MTG1: variants seen among roughly 807,000 people sequenced by gnomAD.
MTG1 encodes the protein mitochondrial ribosome-associated GTPase 1.
In MTG1, 30 loss-of-function variants were observed where a neutral mutation model predicts 39.5. The ratio of observed to expected loss-of-function variants is 0.76; its 90% CI spans 0.57 to 1.03. The LOEUF (loss-of-function observed/expected upper bound fraction) is 1.03. Ranked by LOEUF, MTG1 falls within the 50% of genes least tolerant of loss-of-function variation. The pLI, the probability that MTG1 is intolerant of heterozygous loss-of-function variation, is 0.00. For missense variants in MTG1, 513 were observed against 447.4 expected (o/e 1.15, Z -1.32); for synonymous variants, 217 against 179.0 (o/e 1.21, Z -1.69).
chr10:133,402,584 C>A lies in MTG1; in HGVS notation c.671-108C>A. On this transcript the variant is annotated intron_variant, in intron 8 of 10. Coordinates refer to ENST00000317502, the MANE Select transcript of MTG1 (RefSeq NM_138384.4). The surrounding 1 kb of genome is among the most constrained non-coding windows in gnomAD (Gnocchi z 4.7). ...TGTCTTTGTCAGTGGCTGGCCTCTTCCTCACGGCACGGTGTCTTTGGGCTA... is the reference window on the plus strand; with the variant it reads ...TGTCTTTGTCAGTGGCTGGCCTCTTACTCACGGCACGGTGTCTTTGGGCTA... 9.6e-7 allele frequency: 1 copy of A among 1,037,134 alleles called. No homozygotes were observed. The highest frequency in any genetic ancestry group is 1.4e-6 in the Non-Finnish European group (1 of 703,554). The allele number at this position is 1,037,134 out of a possible 1,614,324, so 64.2% of individuals were successfully genotyped here.
At chr10:133,419,952 T>C in intron 10 of MTG1, 74 bp from the exon 11 acceptor site, 3 of 1,504,260 alleles carry the variant, frequency 2.0e-6, no homozygotes, top group Non-Finnish European at 2.7e-6. Flanking sequence ...TTAGGGCTGG[T>C]CCCTCAGGTG....
rs747179497 is a variant in MTG1 at position 133,395,757 on chromosome 10, A to G, written c.157A>G (p.Ile53Val). 5.0e-6 allele frequency: 8 copies of G among 1,614,152 alleles called. No individual in the cohort carries two copies. In the Admixed American group the frequency reaches 1.3e-4, roughly 27 times the overall value. Residue 53 changes from isoleucine (I) to valine (V), a missense_variant, in exon 2 of 11, where the codon ATC becomes GTC. Transcript: ENST00000317502. ...QSSLKLVDCI[I>V]EVHDARIPLS... ...CAGCCTGAAGCTGGTGGACTGTATCATCGAGGTCCACGATGCCCGGATATC... is the reference window on the plus strand; with the variant it reads ...CAGCCTGAAGCTGGTGGACTGTATCGTCGAGGTCCACGATGCCCGGATATC...
intron 1 of MTG1, 132 bp downstream of exon 1, chr10:133,394,464 C>T (rs1388720546): frequency 3.0e-6 from 4 of 1,326,626 alleles, no homozygotes; most frequent in Non-Finnish European, 3.9e-6. Context: ...TCCCTTGTCT[C>T]CCCTCCTTCC....
chr10:133,419,431 G>A lies in MTG1; in HGVS notation c.753-49G>A, dbSNP rs1025374605. 20 of 1,505,886 alleles carry A rather than the reference G, an allele frequency of 1.3e-5. No individual in the cohort carries two copies. In the African/African-American group the frequency reaches 1.4e-4, roughly 10 times the overall value. The allele number at this position is 1,505,886 out of a possible 1,614,324, so 93.3% of individuals were successfully genotyped here. A position where few individuals can be genotyped will look rare whatever the true frequency, so the allele number is the denominator to read the frequency against. ...GGAAGGGCCCGGCCTGGCTGGCCGC[G>A]CGGTGTCAGTGCTGGGCCCCCTGGT... On this transcript the variant is annotated intron_variant, in intron 9 of 10. Coordinates refer to ENST00000317502, the MANE Select transcript of MTG1 (RefSeq NM_138384.4).
chr10:133,398,941 C>G (rs1849827822), intron 4 of MTG1, among the ~76,000 whole-genome samples: 1 of 152,176 alleles, frequency 6.6e-6, no homozygotes, highest in Admixed American at 6.5e-5. Context: ...GACAGAACTC[C>G]AGTTTCCCAA....
In MTG1 at chr10:133,396,184, C is replaced by T. The variant is rs1275189525; in HGVS notation, c.199C>T (p.Pro67Ser). 4 of 1,614,134 alleles carry T rather than the reference C, an allele frequency of 2.5e-6. No homozygotes were observed. The Admixed American group carries it at 6.7e-5, about 27-fold the overall frequency. Residue 67 changes from proline to serine, a missense_variant, in exon 3 of 11, where the codon CCT becomes TCT. Physicochemically the swap from Pro to Ser is moderately conservative, Grantham distance 74. Transcript: ENST00000317502. ...CCACATCCCACTTTCAGGCCGCAAC[C>T]CTCTGTTTCAGGAAACCCTTGGGCT... ...DARIPLSGRN[P>S]LFQETLGLKP...
rs1850216044 is a variant in MTG1, at chr10:133,420,630, A to C, written c.*465A>C. 1 of 156,290 alleles carries C rather than the reference A, an allele frequency of 6.4e-6. No individual in the cohort carries two copies. The highest frequency in any genetic ancestry group is 1.4e-5 in the Non-Finnish European group (1 of 70,960). The allele number at this position is 156,290 out of a possible 1,614,324, so 9.7% of individuals were successfully genotyped here. On this transcript the variant is annotated 3_prime_UTR_variant, in exon 11 of 11. Transcript: ENST00000317502. ...GGTTTGTGTTGGAGGCTTTCGGTCC[A>C]GTGTCTTGCAGTCCTACAACAAGTG...
Position 133,420,068 on chromosome 10 carries a change from G to A in MTG1, c.908G>A (p.Arg303His), listed in dbSNP as rs199677424. 2.3e-5 allele frequency: 37 copies of A among 1,613,248 alleles called. No homozygotes were observed. Among genetic ancestry groups the A allele is most frequent in the Middle Eastern group, 1.6e-4 (1 of 6,080 alleles). The part of the protein sequence containing the change: ...IIQPNYPAAA[R>H]DFLQTFRRGL... ...CAGCCTAACTATCCTGCGGCAGCCC[G>A]TGACTTCCTGCAGACTTTCCGCCGT... Residue 303 changes from arginine to histidine, a missense_variant, in exon 11 of 11, where the codon CGT becomes CAT. Transcript: ENST00000317502.
intron 9 of MTG1, among the ~76,000 whole-genome samples, chr10:133,416,672 C>T (rs891200429): frequency 2.1e-5 from 3 of 144,946 alleles, no homozygotes; most frequent in Non-Finnish European, 4.5e-5. Flanking sequence ...TTTGTTCTTG[C>T]GATAGTTTAC....
chr10:133,394,621 G>T, intron 1 of MTG1: 4 of 1,268,138 alleles, frequency 3.2e-6, no homozygotes, highest in Admixed American at 4.4e-5. Flanking sequence ...CCTGTCCTCT[G>T]TTCCCAGCAA....
At chr10:133,416,778 C>G (rs71484073) in intron 9 of MTG1, among the ~76,000 whole-genome samples, 29,585 of 141,466 alleles carry the variant, frequency 0.21, 3,106 homozygotes, top group East Asian at 0.3. Context: ...GTATATGTGC[C>G]ACATTTTCTT....
chr10:133,401,262 T>C (rs1849870379), intron 6 of MTG1, among the ~76,000 whole-genome samples: 1 of 152,212 alleles, frequency 6.6e-6, no homozygotes, highest in South Asian at 2.1e-4. Flanking sequence ...TCAGTCTCTG[T>C]GTGGCTTGGA....
chr10:133,399,098 G>C, intron 4 of MTG1, 72 bp from the exon 5 acceptor site: 1 of 1,523,498 alleles, frequency 6.6e-7, no homozygotes, highest in East Asian at 2.3e-5. Flanking sequence ...CCTGTTCTGA[G>C]GTGGCAGAAG....
At chr10:133,404,009 G>A (rs1206940693) in intron 9 of MTG1, among the ~76,000 whole-genome samples, 1 of 151,914 alleles carries the variant, frequency 6.6e-6, no homozygotes, top group East Asian at 1.9e-4. Flanking sequence ...TGATGACAGG[G>A]ACGTTGAGCA....
intron 9 of MTG1, among the ~76,000 whole-genome samples, chr10:133,414,851 A>G (rs377418959): frequency 6.6e-6 from 1 of 152,190 alleles, no homozygotes; most frequent in Non-Finnish European, 1.5e-5. Context: ...CCGAGATCAC[A>G]CCACTGCACT....
rs1238281307 is a variant in MTG1 at position 133,402,697 on chromosome 10, G to A, written c.676G>A (p.Val226Met). The A allele has an allele frequency of 5.6e-6, 9 of 1,605,048 alleles. No homozygotes were observed. The highest frequency in any genetic ancestry group is 7.7e-6 in the Non-Finnish European group (9 of 1,176,258). ...TGLKLALCGT[V>M]LDHLVGEETM... ...CTCGGCTGCTGCTTCCACAGGAACG[G>A]TGCTGGACCACCTGGTCGGGGAGGA... Residue 226 changes from valine to methionine, a missense_variant, in exon 9 of 11, where the codon GTG (valine) becomes ATG (methionine). By Grantham distance (21) the Val-to-Met change is conservative. Transcript: ENST00000317502. This position sits in a 1 kb window ranked among gnomAD's most constrained non-coding sequence, Gnocchi z 4.7.
chr10:133,395,643 G>T, intron 1 of MTG1, 70 bp from the exon 2 acceptor site: 1 of 1,440,318 alleles, frequency 6.9e-7, no homozygotes, highest in Middle Eastern at 1.8e-4. Context: ...CATTCTGGAC[G>T]GTTCAGCTTG....
chr10:133,410,334 A>C (rs971326928), intron 9 of MTG1, among the ~76,000 whole-genome samples: 1 of 152,240 alleles, frequency 6.6e-6, no homozygotes, highest in African/African-American at 2.4e-5. Flanking sequence ...TGGGATTACA[A>C]ATGTGAGCCA....
rs954770872 is a variant in MTG1, at chr10:133,402,128, A to G, written c.574-21A>G. Reference sequence around the variant, plus strand: ...GGGAGGCTGCCACCGCGGCCTGATCATGCCCTCTGTGCCCACACAGGTCTC... The same window carrying G: ...GGGAGGCTGCCACCGCGGCCTGATCGTGCCCTCTGTGCCCACACAGGTCTC... On this transcript the variant is annotated intron_variant, in intron 7 of 10. Transcript: ENST00000317502. This position sits in a 1 kb window ranked among gnomAD's most constrained non-coding sequence, Gnocchi z 4.7. 3 of 1,613,730 alleles carry G rather than the reference A, an allele frequency of 1.9e-6. No individual in the cohort carries two copies. The African/African-American group carries it at 4.0e-5, about 22-fold the overall frequency.
Sources: gnomAD v4.1 joint callset for allele counts (sites outside exome capture counted in the v4.1 genomes callset) on GRCh38, gnomAD v4.1.1 for gene constraint, Gnocchi (gnomAD v3.1) non-coding constraint, MANE v1.5 for transcripts, NCBI Gene and HGNC (gene_info 2026-07-23, HGNC 2026-07-21) for gene names.